Variants in EPHA6 observed in about 807,000 individuals in gnomAD.
The protein encoded by EPHA6 is EPH receptor A6, also known as ephrin type-A receptor 6.
EPHA6 carries 50 observed loss-of-function variants against 112.0 expected under a neutral mutation model. That is an observed-to-expected ratio of 0.45 (90% CI 0.36 to 0.56). The LOEUF is 0.56. Ranked by LOEUF, EPHA6 falls within the 20% of genes least tolerant of loss-of-function variation. The pLI is 0.00. For missense variants in EPHA6, 1,280 were observed against 1,417.4 expected (o/e 0.90, Z 1.56); for synonymous variants, 529 against 490.7 (o/e 1.08, Z -1.03).
chr3:97,675,214 TCATG>T (rs2031250971), intron 14 of EPHA6, among the ~76,000 whole-genome samples: 1 of 152,202 alleles, frequency 6.6e-6, no homozygotes, highest in Non-Finnish European at 1.5e-5. Flanking sequence ...GTGCGGTAGC[TCATG>T]CCTGTAATTC....
chr3:97,322,003 A>C (rs2082144351), intron 5 of EPHA6, among the ~76,000 whole-genome samples: 1 of 152,082 alleles, frequency 6.6e-6, no homozygotes, highest in Admixed American at 6.6e-5. Context: ...CATGTTCATG[A>C]ATCTGGCCCT....
chr3:97,291,998 T>A (rs746814228), intron 5 of EPHA6, among the ~76,000 whole-genome samples: 23 of 151,772 alleles, frequency 1.5e-4, no homozygotes, highest in Non-Finnish European at 3.4e-4. Flanking sequence ...CAGTGGGGGG[T>A]ATGTGAGCAA....
intron 14 of EPHA6, among the ~76,000 whole-genome samples, chr3:97,668,463 T>G (rs1305390028): frequency 6.6e-6 from 1 of 152,132 alleles, no homozygotes; most frequent in African/African-American, 2.4e-5. Flanking sequence ...TCAGGATCCC[T>G]CCTTCAGATG....
intron 14 of EPHA6, among the ~76,000 whole-genome samples, chr3:97,689,457 C>A (rs369371374): frequency 6.6e-6 from 1 of 151,960 alleles, no homozygotes; most frequent in Non-Finnish European, 1.5e-5. Context: ...AATTTTTTGG[C>A]GGGGTGGGCT....
chr3:97,732,364 A>G (rs2035074180), intron 15 of EPHA6, among the ~76,000 whole-genome samples: 1 of 151,558 alleles, frequency 6.6e-6, no homozygotes, highest in Non-Finnish European at 1.5e-5. Context: ...CCTCTCCCAC[A>G]TGCTCCCATA....
At chr3:97,266,674 G>T (rs1278781935) in intron 5 of EPHA6, among the ~76,000 whole-genome samples, 3 of 152,078 alleles carry the variant, frequency 2.0e-5, no homozygotes, top group African/African-American at 7.2e-5. Context: ...ATATTACACT[G>T]ATTTGAGCCA....
intron 3 of EPHA6, among the ~76,000 whole-genome samples, chr3:96,989,690 A>G (rs1194601050): frequency 6.6e-6 from 1 of 152,120 alleles, no homozygotes; most frequent in Non-Finnish European, 1.5e-5. Context: ...GGCGAAGGGG[A>G]AGCATGTATG....
intron 3 of EPHA6, among the ~76,000 whole-genome samples, chr3:97,014,330 T>G (rs549155241): frequency 6.6e-6 from 1 of 151,946 alleles, no homozygotes; most frequent in East Asian, 1.9e-4. Context: ...CCTTCCCTCC[T>G]TCCCTCCCTT....
chr3:97,614,511 T>TA (rs60727347), intron 13 of EPHA6, among the ~76,000 whole-genome samples: 38,330 of 144,812 alleles, frequency 0.26, 6,664 homozygotes, highest in East Asian at 0.48. Context: ...ATTTTTTTTT[T>TA]TTTTTTTTTT....
chr3:96,923,730 AG>A (rs1427479820), intron 2 of EPHA6, among the ~76,000 whole-genome samples: 1 of 152,118 alleles, frequency 6.6e-6, no homozygotes, highest in Non-Finnish European at 1.5e-5. Context: ...GGTATTCCCT[AG>A]ATTTTCTTCT....
intron 2 of EPHA6, among the ~76,000 whole-genome samples, chr3:96,983,031 T>G (rs1161677089): frequency 3.3e-5 from 5 of 152,228 alleles, no homozygotes; most frequent in Admixed American, 3.3e-4. Context: ...GTCTTTTAAT[T>G]GGAGCATTTA....
chr3:97,408,002 G>T lies in EPHA6; in HGVS notation c.1731+2728G>T, dbSNP rs536716650. ...AGTTCTAGAGGCTGGGAAGATCAAG[G>T]TGCCAATAGGTTTGGTGTCTGGTGA... On this transcript the variant is annotated intron_variant, in intron 6 of 17. Coordinates refer to ENST00000389672, the MANE Select transcript of EPHA6 (RefSeq NM_001080448.3). 2.6e-5 allele frequency among the ~76,000 whole-genome samples: 4 copies of T among 152,168 alleles called. No homozygotes were observed. In the South Asian group the frequency reaches 8.3e-4, roughly 32 times the overall value.
chr3:97,378,579 G>A (rs1214770331), intron 5 of EPHA6, among the ~76,000 whole-genome samples: 1 of 152,124 alleles, frequency 6.6e-6, no homozygotes, highest in African/African-American at 2.4e-5. Context: ...GCAGCCAGAA[G>A]GGAGACTGTG....
At chr3:97,706,344 G>A (rs1353360131) in intron 14 of EPHA6, among the ~76,000 whole-genome samples, 1 of 152,072 alleles carries the variant, frequency 6.6e-6, no homozygotes, top group East Asian at 1.9e-4. Flanking sequence ...AAACAAAAAA[G>A]AAATCAAACC....
Position 97,736,071 on chromosome 3 carries a change from G to T in EPHA6, c.3081G>T (p.Leu1027=). The stretch of plus-strand genomic sequence containing the variant: ...ACATTGTCAGCTTCCTTGACAAACT[G>T]ATCCGAAATCCCAGTGCCCTTCACA... ...FTDIVSFLDK[L]IRNPSALHTL... is the part of the protein sequence containing the mutation. Residue 1027 remains leucine (L), a synonymous_variant, in exon 16 of 18, where the codon CTG becomes CTT. Coordinates refer to ENST00000389672, the MANE Select transcript of EPHA6 (RefSeq NM_001080448.3). 2 of 1,612,394 alleles carry T rather than the reference G, an allele frequency of 1.2e-6. No homozygotes were observed. Among genetic ancestry groups the T allele is most frequent in the Non-Finnish European group, 1.7e-6 (2 of 1,179,082 alleles).
intron 5 of EPHA6, among the ~76,000 whole-genome samples, chr3:97,356,766 A>G (rs939223550): frequency 6.6e-6 from 1 of 152,032 alleles, no homozygotes; most frequent in African/African-American, 2.4e-5. Flanking sequence ...AGACAATTTT[A>G]TATGCTCCTG....
chr3:97,654,141 T>TA (rs1454940240), intron 14 of EPHA6, among the ~76,000 whole-genome samples: 2 of 151,596 alleles, frequency 1.3e-5, no homozygotes, highest in African/African-American at 2.4e-5. Flanking sequence ...CCAGAAATTT[T>TA]AAAAAAGAAA....
intron 3 of EPHA6, among the ~76,000 whole-genome samples, chr3:97,083,914 A>T (rs537380830): frequency 6.6e-6 from 1 of 151,522 alleles, no homozygotes; most frequent in South Asian, 2.1e-4. Context: ...AAAAATGACA[A>T]GGTAAATTTG....
intron 2 of EPHA6, among the ~76,000 whole-genome samples, chr3:96,878,503 T>A (rs2107500264): frequency 6.6e-6 from 1 of 152,186 alleles, no homozygotes; most frequent in Admixed American, 6.5e-5. Context: ...AAAAGATTAC[T>A]GTAATTGAAT....
Sources: allele counts gnomAD v4.1 joint callset (sites outside exome capture counted in the v4.1 genomes callset), GRCh38; gene constraint gnomAD v4.1.1; transcripts MANE v1.5; gene names NCBI Gene and HGNC (gene_info 2026-07-23, HGNC 2026-07-21).